The following CUL2 variants were observed in gnomAD, a reference collection of about 807,000 sequenced individuals.
CUL2 encodes the protein cullin 2, also known as cullin-2.
Under a neutral mutation model 110.2 loss-of-function variants are expected in CUL2, and 22 were observed. That is an observed-to-expected ratio of 0.20 (90% CI 0.14 to 0.28). The LOEUF is 0.28. CUL2 is among the 10% of genes least tolerant of loss of function. The pLI is 1.00. For missense variants in CUL2, 631 were observed against 905.5 expected, an observed-to-expected ratio of 0.70 and a Z score of 3.89; for synonymous variants, 279 against 293.2, an observed-to-expected ratio of 0.95 and a Z score of 0.49.
At chr10:35,022,876 C>T (rs2085237500) in intron 17 of CUL2, among the ~76,000 whole-genome samples, 1 of 148,460 alleles carries the variant, frequency 6.7e-6, no homozygotes, top group South Asian at 2.1e-4. Context: ...GAAACACCGT[C>T]TCTACTAAAA....
chr10:35,046,219 T>C (rs895175219), intron 6 of CUL2, among the ~76,000 whole-genome samples: 3 of 152,360 alleles, frequency 2.0e-5, no homozygotes, highest in East Asian at 1.9e-4. Context: ...AGGTCACACA[T>C]GTGAGCTCAT....
chr10:35,120,493 A>T (rs1048661357), intron 1 of CUL2: 2 of 152,218 alleles, frequency 1.3e-5, no homozygotes, highest in African/African-American at 4.8e-5. Context: ...TATCCACATG[A>T]TGGCACTATA....
intron 1 of CUL2, among the ~76,000 whole-genome samples, chr10:35,078,983 G>A (rs2086885477): frequency 6.6e-6 from 1 of 152,082 alleles, no homozygotes; most frequent in African/African-American, 2.4e-5. Context: ...CCTTCCAAAT[G>A]CATAAAATGA....
chr10:35,068,315 G>A (rs865993786), intron 2 of CUL2, among the ~76,000 whole-genome samples: 7 of 152,050 alleles, frequency 4.6e-5, no homozygotes, highest in South Asian at 4.1e-4. Context: ...CCAGACACTC[G>A]GGAGGCTGAG....
intron 1 of CUL2, among the ~76,000 whole-genome samples, chr10:35,121,897 T>G (rs1402209549): frequency 2.0e-5 from 3 of 152,212 alleles, no homozygotes; most frequent in Non-Finnish European, 4.4e-5. Flanking sequence ...GTTTTTATTA[T>G]AATATCCTTT....
rs796484644 is a variant in CUL2, at chr10:35,103,411, G to A, written c.-50-2351C>T. On this transcript the variant is annotated intron_variant, in intron 1 of 5. Transcript: ENST00000685421. ...ACGATCTCGACTCACTGCAAGCTCC[G>A]CCTCCCGGGTTCACGCCATTCTCCT... Among the ~76,000 whole-genome samples the A allele has an allele frequency of 5.8e-4, 80 of 136,768 alleles. 1 individual carries two copies. The highest frequency in any genetic ancestry group is 2.0e-3 in the African/African-American group (74 of 37,932). The allele number at this position is 136,768 out of a possible 152,430, so 89.7% of individuals were successfully genotyped here. A position where few individuals can be genotyped will look rare whatever the true frequency, so the allele number is the denominator to read the frequency against.
chr10:35,089,819 C>CA (rs1564749476), intron 1 of CUL2: 1 of 145,738 alleles, frequency 6.9e-6, no homozygotes, highest in Admixed American at 6.8e-5. Flanking sequence ...TGCCCCCCCC[C>CA]ACACACACAC....
intron 1 of CUL2, among the ~76,000 whole-genome samples, chr10:35,125,380 C>A (rs1173693687): frequency 1.3e-5 from 2 of 152,170 alleles, no homozygotes; most frequent in African/African-American, 4.8e-5. Flanking sequence ...AACCGTAGAG[C>A]AAATACTTTG....
chr10:35,013,893 C>T, intron 18 of CUL2, 93 bp from the exon 19 acceptor site: 1 of 864,042 alleles, frequency 1.2e-6, no homozygotes. Context: ...AATGACCAAG[C>T]AAAAAAGCCT....
rs1554851981 is a variant in CUL2 at position 35,009,220 on chromosome 10, T to TATAC, written c.*1090_*1091insGTAT. ...TATATATTATATATATATATATATA[T>TATAC]AAAATAAACAAAATAATGGGATTTA... On this transcript the variant is annotated 3_prime_UTR_variant, in exon 21 of 21. Coordinates refer to ENST00000374749, the MANE Select transcript of CUL2 (RefSeq NM_003591.4). The TATAC allele has an allele frequency of 6.9e-6, 1 of 145,554 alleles. No homozygotes were observed. The highest frequency in any genetic ancestry group is 2.1e-4 in the South Asian group (1 of 4,702). 9.0% of individuals were successfully genotyped at this position (145,554 alleles called of 1,614,324 possible).
chr10:35,044,546 C>T lies in CUL2; in HGVS notation c.714+20G>A, dbSNP rs770383815. 28 of 1,433,034 alleles carry T rather than the reference C, an allele frequency of 2.0e-5. No individual in the cohort carries two copies. The highest frequency in any genetic ancestry group is 2.5e-5 in the Non-Finnish European group (26 of 1,041,386). The allele number at this position is 1,433,034 out of a possible 1,614,324, so 88.8% of individuals were successfully genotyped here. A position where few individuals can be genotyped will look rare whatever the true frequency, so the allele number is the denominator to read the frequency against. On this transcript the variant is annotated intron_variant, in intron 8 of 20. Coordinates refer to ENST00000374749, the MANE Select transcript of CUL2 (RefSeq NM_003591.4). ...CAGATACAAAATAGATAAATGTATT[C>T]GATATGTTTTATTTCTTACCTTTTC...
intron 1 of CUL2, among the ~76,000 whole-genome samples, chr10:35,107,306 A>G (rs983190450): frequency 1.3e-5 from 2 of 152,102 alleles, no homozygotes; most frequent in Non-Finnish European, 2.9e-5. Flanking sequence ...CAGAGTGATT[A>G]TGATCTGAAA....
chr10:35,087,344 A>T (rs1240078408), intron 1 of CUL2, among the ~76,000 whole-genome samples: 1 of 152,212 alleles, frequency 6.6e-6, no homozygotes, highest in Non-Finnish European at 1.5e-5. Context: ...ATAAATGCTG[A>T]TGACTCTCCA....
chr10:35,063,096 G>A, intron 2 of CUL2, 34 bp from the exon 3 acceptor site: 2 of 1,184,210 alleles, frequency 1.7e-6, no homozygotes, highest in Non-Finnish European at 2.5e-6. Context: ...ATATTTATTG[G>A]AGACAATTTT....
chr10:35,097,423 G>C (rs1232977558), intron 2 of CUL2, among the ~76,000 whole-genome samples: 1 of 149,524 alleles, frequency 6.7e-6, no homozygotes. Context: ...TCAGGAGATT[G>C]AGATTGCAGT....
At chr10:35,053,627 G>A (rs1159397968) in intron 5 of CUL2, among the ~76,000 whole-genome samples, 6 of 152,050 alleles carry the variant, frequency 3.9e-5, no homozygotes, top group African/African-American at 1.4e-4. Context: ...GGATCACTAG[G>A]CTTAGGACTT....
intron 8 of CUL2, 81 bp downstream of exon 8, chr10:35,044,485 C>A (rs2085884086): frequency 3.6e-6 from 3 of 834,950 alleles, no homozygotes; most frequent in African/African-American, 1.7e-5. Flanking sequence ...AGAAACAAAA[C>A]AAGAAAACTA....
intron 8 of CUL2, among the ~76,000 whole-genome samples, chr10:35,040,080 G>A (rs190617679): frequency 1.4e-3 from 217 of 152,244 alleles, no homozygotes; most frequent in Admixed American, 5.4e-3. Context: ...TTGAACCCAG[G>A]AGGAGGAGGT....
chr10:35,071,427 C>T (rs1051858745), intron 1 of CUL2, 88 bp from the exon 2 acceptor site: 30 of 1,190,940 alleles, frequency 2.5e-5, no homozygotes, highest in South Asian at 1.2e-4. Context: ...TGCTTTGAGA[C>T]GGAGTCTCGC....
Sources: gnomAD v4.1 joint callset for allele counts (sites outside exome capture counted in the v4.1 genomes callset) on GRCh38, gnomAD v4.1.1 for gene constraint, MANE v1.5 for transcripts, NCBI Gene and HGNC (gene_info 2026-07-23, HGNC 2026-07-21) for gene names.